Variants in ACKR2 observed in about 807,000 individuals in gnomAD.
ACKR2 encodes C-C chemokine receptor D6.
For synonymous variants in ACKR2, 207 were observed against 192.2 expected (o/e 1.08, Z -0.64); for missense variants, 457 against 477.3 (o/e 0.96, Z 0.40).
At chr3:42,859,373 C>T (rs2088357071) in intron 2 of ACKR2, among the ~76,000 whole-genome samples, 1 of 151,666 alleles carries the variant, frequency 6.6e-6, no homozygotes, top group African/African-American at 2.4e-5. Context: ...GTCCAATATT[C>T]AACATTCATT....
intron 2 of ACKR2, among the ~76,000 whole-genome samples, chr3:42,834,387 G>T (rs1341942244): frequency 6.6e-6 from 1 of 151,714 alleles, no homozygotes; most frequent in East Asian, 1.9e-4. Context: ...TTTTTTTTCG[G>T]TAGGGAAGAC....
intron 2 of ACKR2, among the ~76,000 whole-genome samples, chr3:42,861,931 C>A (rs954195454): frequency 6.6e-5 from 10 of 152,194 alleles, no homozygotes; most frequent in East Asian, 1.9e-4. Context: ...AATCTGGAAG[C>A]ATTCCCTTTG....
At chr3:42,860,184 A>AC (rs2088369104) in intron 2 of ACKR2, among the ~76,000 whole-genome samples, 2 of 144,828 alleles carry the variant, frequency 1.4e-5, no homozygotes. Flanking sequence ...AAAAAAAAAA[A>AC]AAAAAGCAGG....
intron 2 of ACKR2, among the ~76,000 whole-genome samples, chr3:42,844,247 G>T (rs1559689970): frequency 6.6e-6 from 1 of 152,178 alleles, no homozygotes; most frequent in Non-Finnish European, 1.5e-5. Context: ...GCAGGAGAGT[G>T]GGGAGGTGAG....
At chr3:42,815,047 G>A (rs1700735738) in intron 1 of ACKR2, among the ~76,000 whole-genome samples, 1 of 152,186 alleles carries the variant, frequency 6.6e-6, no homozygotes, top group Non-Finnish European at 1.5e-5. Context: ...GAGTCAGAGA[G>A]AATAATGAAA....
intron 2 of ACKR2, chr3:42,835,534 C>T (rs1050707287): frequency 1.3e-5 from 2 of 152,144 alleles, no homozygotes; most frequent in Non-Finnish European, 2.9e-5. Flanking sequence ...TCCTGAGTTT[C>T]GTGTTGTGAT....
chr3:42,848,094 G>A (rs932806312), intron 2 of ACKR2, among the ~76,000 whole-genome samples: 2 of 151,054 alleles, frequency 1.3e-5, no homozygotes, highest in African/African-American at 4.9e-5. Flanking sequence ...TTTTAAAAGA[G>A]GATGAGACAA....
At chr3:42,827,198 G>A (rs1216542534) in intron 2 of ACKR2, among the ~76,000 whole-genome samples, 1 of 152,172 alleles carries the variant, frequency 6.6e-6, no homozygotes, top group East Asian at 1.9e-4. Flanking sequence ...TTTTGCAGTT[G>A]TTGGGTGGAG....
intron 1 of ACKR2, among the ~76,000 whole-genome samples, chr3:42,811,432 A>G (rs796550224): frequency 3.3e-5 from 5 of 152,310 alleles, no homozygotes; most frequent in African/African-American, 1.2e-4. Flanking sequence ...GCTTGGTAAA[A>G]GTCATCGCCA....
intron 2 of ACKR2, chr3:42,839,373 A>G (rs778628270): frequency 2.0e-5 from 3 of 152,080 alleles, no homozygotes; most frequent in Non-Finnish European, 4.4e-5. Flanking sequence ...AAGGGCTGAT[A>G]ACTCCCATCA....
At chr3:42,823,060 T>C (rs1423707494) in intron 2 of ACKR2, among the ~76,000 whole-genome samples, 1 of 152,156 alleles carries the variant, frequency 6.6e-6, no homozygotes, top group African/African-American at 2.4e-5. Context: ...TTCCTTTCAC[T>C]TGGTTCTAGG....
chr3:42,860,431 A>G (rs1322552487), intron 2 of ACKR2, among the ~76,000 whole-genome samples: 1 of 152,168 alleles, frequency 6.6e-6, no homozygotes, highest in Non-Finnish European at 1.5e-5. Context: ...TGTCAATAGT[A>G]GACAGATCAG....
chr3:42,865,939 G>T lies in ACKR2; in HGVS notation c.*282G>T, dbSNP rs1453175587. On this transcript the variant is annotated 3_prime_UTR_variant, in exon 3 of 3. Transcript: ENST00000422265. ...CCCTCTCTCCCTCCCTCCCTCCCTC[G>T]CTTCTTCCCTTCCTCCTTTCCTCCC... 4.1e-5 allele frequency: 10 copies of T among 245,634 alleles called. No individual in the cohort carries two copies. The highest frequency in any genetic ancestry group is 7.7e-5 in the Admixed American group (1 of 12,986). 15.2% of individuals were successfully genotyped at this position (245,634 alleles called of 1,614,324 possible).
chr3:42,863,691 G>T (rs1482996718), intron 2 of ACKR2, among the ~76,000 whole-genome samples: 1 of 152,190 alleles, frequency 6.6e-6, no homozygotes, highest in Non-Finnish European at 1.5e-5. Flanking sequence ...TAAAATGGAT[G>T]AGTTCATGTC....
chr3:42,848,815 A>G (rs1231331821), intron 2 of ACKR2, among the ~76,000 whole-genome samples: 3 of 152,242 alleles, frequency 2.0e-5, no homozygotes, highest in African/African-American at 4.8e-5. Context: ...GGAAAGAGAC[A>G]TCTTTAAATT....
At chr3:42,831,841 C>T (rs1700935125) in intron 2 of ACKR2, among the ~76,000 whole-genome samples, 1 of 152,172 alleles carries the variant, frequency 6.6e-6, no homozygotes, top group Non-Finnish European at 1.5e-5. Context: ...TCCTGACTCT[C>T]CTTTCATGGA....
chr3:42,861,273 T>C (rs1455965265), intron 2 of ACKR2, among the ~76,000 whole-genome samples: 3 of 152,098 alleles, frequency 2.0e-5, no homozygotes, highest in Non-Finnish European at 4.4e-5. Flanking sequence ...AAGAAATGGA[T>C]AAATTCCTGG....
chr3:42,829,833 G>A (rs1700911790), intron 2 of ACKR2, among the ~76,000 whole-genome samples: 1 of 152,166 alleles, frequency 6.6e-6, no homozygotes, highest in African/African-American at 2.4e-5. Context: ...ACTTGAAGGG[G>A]CTGTACCTTG....
chr3:42,809,932 C>G (rs945405649), intron 1 of ACKR2, among the ~76,000 whole-genome samples: 1 of 151,416 alleles, frequency 6.6e-6, no homozygotes, highest in African/African-American at 2.4e-5. Flanking sequence ...AAGAGGAATT[C>G]TATTTTCTAT....
Sources: allele counts gnomAD v4.1 joint callset (sites outside exome capture counted in the v4.1 genomes callset), GRCh38; gene constraint gnomAD v4.1.1; transcripts MANE v1.5; gene names NCBI Gene and HGNC (gene_info 2026-07-23, HGNC 2026-07-21).